The following DOCK4 variants were observed in gnomAD, a reference collection of about 807,000 sequenced individuals.
DOCK4 encodes dedicator of cytokinesis 4, also known as dedicator of cytokinesis protein 4.
Under a neutral mutation model 268.1 loss-of-function variants are expected in DOCK4, and 97 were observed. The observed-to-expected ratio is 0.36, with a 90% CI of 0.31 to 0.43. The LOEUF (loss-of-function observed/expected upper bound fraction) is 0.43, where lower values mean the gene tolerates loss of function less well. Ranked by LOEUF, DOCK4 falls within the 20% of genes least tolerant of loss-of-function variation. The probability of loss-of-function intolerance (pLI) is 1.00; values close to 1 mark genes in which losing one functional copy is unlikely to be tolerated. For synonymous variants in DOCK4, 954 were observed against 887.2 expected (o/e 1.08, Z -1.34); for missense variants, 2,145 against 2,455.7 (o/e 0.87, Z 2.67).
intron 16 of DOCK4, among the ~76,000 whole-genome samples, chr7:111,884,060 T>C (rs1330082622): frequency 6.6e-6 from 1 of 152,184 alleles, no homozygotes; most frequent in Non-Finnish European, 1.5e-5. Context: ...GGTTCAAATC[T>C]GATTTTTTTA....
At chr7:111,766,978 A>G in intron 38 of DOCK4, 54 bp downstream of exon 38, 1 of 1,379,450 alleles carries the variant, frequency 7.2e-7, no homozygotes, top group Admixed American at 1.8e-5. Context: ...CACACTGGAA[A>G]GCTAATCACA....
At chr7:111,983,075 A>C (rs570327192) in intron 7 of DOCK4, among the ~76,000 whole-genome samples, 80 of 152,150 alleles carry the variant, frequency 5.3e-4, no homozygotes, top group South Asian at 1.3e-3. Context: ...GCAGCACACA[A>C]CACCACTCTG....
chr7:112,136,481 C>T (rs1814360684), intron 1 of DOCK4, among the ~76,000 whole-genome samples: 1 of 152,234 alleles, frequency 6.6e-6, no homozygotes, highest in South Asian at 2.1e-4. Context: ...AATTCACTCG[C>T]TCCCTCACAC....
chr7:112,177,591 G>C (rs189060771), intron 1 of DOCK4, among the ~76,000 whole-genome samples: 1 of 152,130 alleles, frequency 6.6e-6, no homozygotes, highest in Non-Finnish European at 1.5e-5. Flanking sequence ...GTTCCAATCC[G>C]ACAGAGAAAC....
Position 111,731,476 on chromosome 7 carries a change from G to A in DOCK4, c.5481+750C>T, listed in dbSNP as rs1795078826. ...TCGACACACTTCATATTTGCCTCTG[G>A]TGCAGCAGTTCTGAACACCAATCTC... On this transcript the variant is annotated intron_variant, in intron 52 of 52. Coordinates refer to ENST00000428084, the MANE Select transcript of DOCK4 (RefSeq NM_001363540.2). Among the ~76,000 whole-genome samples the A allele has an allele frequency of 2.0e-5, 3 of 152,086 alleles. No homozygotes were observed. The South Asian group carries it at 6.2e-4, about 32-fold the overall frequency.
At chr7:111,963,316 G>C (rs1797088161) in intron 8 of DOCK4, among the ~76,000 whole-genome samples, 1 of 143,264 alleles carries the variant, frequency 7.0e-6, no homozygotes, top group African/African-American at 2.8e-5. Flanking sequence ...TCACTAGGGA[G>C]TGCCAGACAG....
intron 1 of DOCK4, among the ~76,000 whole-genome samples, chr7:112,069,749 A>G (rs1807416079): frequency 6.6e-6 from 1 of 152,242 alleles, no homozygotes; most frequent in Admixed American, 6.5e-5. Context: ...GGTAGAAAAT[A>G]GAAAATGTCT....
Position 111,886,827 on chromosome 7 carries a change from T to C in DOCK4, c.1587+8785A>G, listed in dbSNP as rs138476587. ...CAGATTAATTTAGTTTTGATAAATA[T>C]ACTATAGCTTATATAAGAGGTTAAC... is the stretch of plus-strand genomic sequence containing the variant. On this transcript the variant is annotated intron_variant, in intron 16 of 52. Transcript: ENST00000428084. Among the ~76,000 whole-genome samples the C allele has an allele frequency of 8.3e-4, 126 of 152,320 alleles. 2 individuals carry two copies. The East Asian group carries it at 0.022, about 27-fold the overall frequency.
intron 7 of DOCK4, among the ~76,000 whole-genome samples, chr7:111,982,429 G>A (rs750137710): frequency 6.6e-6 from 1 of 152,160 alleles, no homozygotes; most frequent in African/African-American, 2.4e-5. Context: ...GCTCTCCAAC[G>A]TAGATGAATA....
intron 25 of DOCK4, among the ~76,000 whole-genome samples, chr7:111,838,140 T>C (rs1419920908): frequency 7.4e-6 from 1 of 135,274 alleles, no homozygotes; most frequent in Non-Finnish European, 1.6e-5. Context: ...AATCGATATA[T>C]AGATTCAATG....
chr7:111,773,993 G>A (rs1798288228), intron 36 of DOCK4, among the ~76,000 whole-genome samples: 1 of 151,732 alleles, frequency 6.6e-6, no homozygotes, highest in Non-Finnish European at 1.5e-5. Flanking sequence ...TTCCAGCCTG[G>A]GTGACAGAGT....
chr7:111,905,683 A>ATGTG (rs145889951), intron 13 of DOCK4, among the ~76,000 whole-genome samples: 4,108 of 147,660 alleles, frequency 0.028, 75 homozygotes, highest in African/African-American at 0.052. Context: ...ATATGCATGT[A>ATGTG]TGTGTGTGTG....
At chr7:111,883,017 AATAC>A (rs1807539241) in intron 16 of DOCK4, among the ~76,000 whole-genome samples, 1 of 152,060 alleles carries the variant, frequency 6.6e-6, no homozygotes, top group Non-Finnish European at 1.5e-5. Context: ...CAGAAACACC[AATAC>A]AAACATAATA....
At chr7:112,055,582 TGTAC>T (rs1351039770) in intron 1 of DOCK4, among the ~76,000 whole-genome samples, 1 of 152,116 alleles carries the variant, frequency 6.6e-6, no homozygotes, top group African/African-American at 2.4e-5. Flanking sequence ...GAGGACCTGT[TGTAC>T]TGCAAAAGAC....
intron 12 of DOCK4, among the ~76,000 whole-genome samples, chr7:111,922,171 T>C (rs1793194813): frequency 6.6e-6 from 1 of 152,234 alleles, no homozygotes; most frequent in Admixed American, 6.5e-5. Context: ...AAATATCCTT[T>C]AGAAGACACT....
intron 1 of DOCK4, among the ~76,000 whole-genome samples, chr7:112,070,896 A>G (rs1807526257): frequency 6.6e-6 from 1 of 152,190 alleles, no homozygotes; most frequent in Admixed American, 6.5e-5. Context: ...TGTCGTGTAC[A>G]TGGCTGGGTT....
At chr7:112,015,662 T>G (rs1801750688) in intron 1 of DOCK4, among the ~76,000 whole-genome samples, 3 of 152,194 alleles carry the variant, frequency 2.0e-5, no homozygotes, top group Admixed American at 6.5e-5. Context: ...AGCTCTTAAA[T>G]AAATATAGTA....
chr7:111,916,742 G>C (rs1792617344), intron 12 of DOCK4, among the ~76,000 whole-genome samples: 1 of 151,822 alleles, frequency 6.6e-6, no homozygotes, highest in South Asian at 2.1e-4. Flanking sequence ...TTCTCTTTCA[G>C]CTTTTTCATT....
chr7:111,770,603 T>C (rs546094194), intron 36 of DOCK4, among the ~76,000 whole-genome samples: 3 of 152,306 alleles, frequency 2.0e-5, no homozygotes, highest in Admixed American at 6.5e-5. Flanking sequence ...TATAGCCCAA[T>C]AGATCAAGAA....
Sources: gnomAD v4.1 joint callset for allele counts (sites outside exome capture counted in the v4.1 genomes callset) on GRCh38, gnomAD v4.1.1 for gene constraint, MANE v1.5 for transcripts, NCBI Gene and HGNC (gene_info 2026-07-23, HGNC 2026-07-21) for gene names.